MEI4: variants seen among roughly 807,000 people sequenced by gnomAD.
The protein encoded by MEI4 is meiotic double-stranded break formation protein 4.
MEI4 carries 27 observed loss-of-function variants against 31.4 expected under a neutral mutation model. The observed-to-expected ratio is 0.86, with a 90% confidence interval of 0.63 to 1.19. The LOEUF (loss-of-function observed/expected upper bound fraction) is 1.19. Ranked by LOEUF, MEI4 falls within the 50% of genes most tolerant of loss-of-function variation. MEI4 has a pLI of 0.00. For synonymous variants in MEI4, 122 were observed against 145.4 expected, an observed-to-expected ratio of 0.84 and a Z score of 1.16; for missense variants, 329 against 398.9, an observed-to-expected ratio of 0.82 and a Z score of 1.49.
intron 2 of MEI4, among the ~76,000 whole-genome samples, chr6:77,731,630 G>C (rs1361381086): frequency 1.3e-5 from 2 of 149,978 alleles, no homozygotes; most frequent in Non-Finnish European, 3.0e-5. Flanking sequence ...CTCTTTAGTT[G>C]AATTAGATCC....
chr6:77,743,570 G>A (rs1405331321), intron 2 of MEI4, among the ~76,000 whole-genome samples: 1 of 152,186 alleles, frequency 6.6e-6, no homozygotes, highest in Non-Finnish European at 1.5e-5. Context: ...TCTGCAAACA[G>A]GGACTTACTT....
intron 4 of MEI4, among the ~76,000 whole-genome samples, chr6:77,869,519 G>A (rs1771143577): frequency 1.3e-5 from 2 of 152,068 alleles, no homozygotes; most frequent in Non-Finnish European, 2.9e-5. Flanking sequence ...ACGTGAAGGG[G>A]CAACAGAAGG....
Position 77,926,955 on chromosome 6 carries a change from TAATA to T in MEI4, c.*3614_*3617del, listed in dbSNP as rs1321766595. On this transcript the variant is annotated 3_prime_UTR_variant, in exon 5 of 5. Coordinates refer to ENST00000684080, the MANE Select transcript of MEI4 (RefSeq NM_001322247.2). ...TTGTATAATACAAAATTTATCTGGT[TAATA>T]AATATACTGGTCTTGTAAGAACTTT... 6 of 151,906 alleles carry T rather than the reference TAATA, an allele frequency of 3.9e-5. No homozygotes were observed. Among genetic ancestry groups the T allele is most frequent in the African/African-American group, 1.2e-4 (5 of 41,430 alleles). The allele number at this position is 151,906 out of a possible 1,614,324, so 9.4% of individuals were successfully genotyped here.
chr6:77,702,589 CTTAA>C (rs1483113904), intron 2 of MEI4, among the ~76,000 whole-genome samples: 6 of 152,290 alleles, frequency 3.9e-5, no homozygotes, highest in African/African-American at 1.2e-4. Context: ...CTTGGTCATA[CTTAA>C]TTTATCCCAA....
intron 4 of MEI4, among the ~76,000 whole-genome samples, chr6:77,848,603 G>A (rs1468963962): frequency 7.2e-5 from 11 of 152,086 alleles, no homozygotes; most frequent in Non-Finnish European, 1.5e-4. Flanking sequence ...CCAGGACCTC[G>A]GGGAAAGTGC....
At chr6:77,654,705 G>A (rs1212639037) in intron 1 of MEI4, among the ~76,000 whole-genome samples, 1 of 151,190 alleles carries the variant, frequency 6.6e-6, no homozygotes, top group Non-Finnish European at 1.5e-5. Flanking sequence ...AGATGCATCT[G>A]GTTGATGGAA....
At chr6:77,742,936 T>C (rs11755171) in intron 2 of MEI4, among the ~76,000 whole-genome samples, 2 of 151,980 alleles carry the variant, frequency 1.3e-5, no homozygotes, top group East Asian at 1.9e-4. Context: ...GTTGTAGATA[T>C]GCGGCGTTAT....
At chr6:77,919,573 A>C (rs1006859842) in intron 4 of MEI4, among the ~76,000 whole-genome samples, 26 of 152,104 alleles carry the variant, frequency 1.7e-4, no homozygotes, top group African/African-American at 2.4e-5. Flanking sequence ...ACACCCTAAC[A>C]TCACAATTAA....
At chr6:77,828,207 A>T (rs550390855) in intron 3 of MEI4, among the ~76,000 whole-genome samples, 2 of 151,918 alleles carry the variant, frequency 1.3e-5, no homozygotes, top group South Asian at 4.2e-4. Context: ...ATCTAACTTA[A>T]TAGATATTTC....
At chr6:77,861,324 C>T (rs1770861320) in intron 4 of MEI4, among the ~76,000 whole-genome samples, 1 of 152,152 alleles carries the variant, frequency 6.6e-6, no homozygotes, top group Admixed American at 6.5e-5. Flanking sequence ...TCTCTAAAAG[C>T]TTGATAAAGT....
At chr6:77,743,587 C>G (rs1054894070) in intron 2 of MEI4, among the ~76,000 whole-genome samples, 2 of 152,130 alleles carry the variant, frequency 1.3e-5, no homozygotes, top group Non-Finnish European at 2.9e-5. Context: ...ACTTAAATGT[C>G]CCTGTCTGTC....
intron 2 of MEI4, among the ~76,000 whole-genome samples, chr6:77,758,282 T>C (rs1257971659): frequency 1.3e-5 from 2 of 152,128 alleles, no homozygotes; most frequent in Non-Finnish European, 2.9e-5. Flanking sequence ...CTTTTAATTA[T>C]CTCCTTTTAA....
At chr6:77,772,640 C>T (rs935287190) in intron 3 of MEI4, among the ~76,000 whole-genome samples, 2 of 151,940 alleles carry the variant, frequency 1.3e-5, no homozygotes, top group African/African-American at 2.4e-5. Context: ...AAACTGAAAG[C>T]CTTTCCTCTA....
At chr6:77,704,102 G>T (rs1766281869) in intron 2 of MEI4, among the ~76,000 whole-genome samples, 1 of 152,190 alleles carries the variant, frequency 6.6e-6, no homozygotes, top group Non-Finnish European at 1.5e-5. Context: ...GGAAAGACTT[G>T]TCCTAGATCT....
At chr6:77,868,797 A>G (rs1771126525) in intron 4 of MEI4, among the ~76,000 whole-genome samples, 1 of 152,002 alleles carries the variant, frequency 6.6e-6, no homozygotes, top group Admixed American at 6.6e-5. Context: ...CTACCTATAG[A>G]GTAGGTATTA....
At chr6:77,768,655 A>G (rs1176675013) in intron 3 of MEI4, among the ~76,000 whole-genome samples, 2 of 151,358 alleles carry the variant, frequency 1.3e-5, no homozygotes, top group African/African-American at 4.9e-5. Flanking sequence ...AGCTGAGATC[A>G]TGTCACTGCA....
chr6:77,682,366 C>T (rs2199054), intron 1 of MEI4, among the ~76,000 whole-genome samples: 39,713 of 152,040 alleles, frequency 0.26, 6,806 homozygotes, highest in African/African-American at 0.47. Flanking sequence ...AAACTGTATG[C>T]GAATTAGATT....
intron 4 of MEI4, among the ~76,000 whole-genome samples, chr6:77,867,290 C>T (rs1424413274): frequency 6.6e-6 from 1 of 152,190 alleles, no homozygotes; most frequent in South Asian, 2.1e-4. Flanking sequence ...AACAGGCAAC[C>T]TACAGAATGG....
intron 3 of MEI4, among the ~76,000 whole-genome samples, chr6:77,785,484 G>C (rs999238900): frequency 1.3e-5 from 2 of 152,100 alleles, no homozygotes; most frequent in African/African-American, 4.8e-5. Flanking sequence ...TTGAGTGAAG[G>C]CAATGGTAGG....
Sources: gnomAD v4.1 joint callset for allele counts (sites outside exome capture counted in the v4.1 genomes callset) on GRCh38, gnomAD v4.1.1 for gene constraint, MANE v1.5 for transcripts, NCBI Gene and HGNC (gene_info 2026-07-23, HGNC 2026-07-21) for gene names.